TXNRD1: variants seen among roughly 807,000 people sequenced by gnomAD.
TXNRD1 encodes the protein thioredoxin reductase 1, cytoplasmic.
In TXNRD1, 57 loss-of-function variants were observed where a neutral mutation model predicts 80.3. The observed-to-expected ratio is 0.71, with a 90% CI of 0.57 to 0.89. The LOEUF (loss-of-function observed/expected upper bound fraction) is 0.89. TXNRD1 is among the 40% of genes least tolerant of loss of function. TXNRD1 has a pLI of 0.00. For synonymous variants in TXNRD1, 291 were observed against 285.2 expected (o/e 1.02, Z -0.20); for missense variants, 730 against 803.0 (o/e 0.91, Z 1.10).
intron 6 of TXNRD1, among the ~76,000 whole-genome samples, chr12:104,314,339 A>G (rs929511349): frequency 6.6e-6 from 1 of 152,222 alleles, no homozygotes; most frequent in Non-Finnish European, 1.5e-5. Flanking sequence ...CATTAGAAGG[A>G]ACCAAGAAGC....
chr12:104,235,895 G>T (rs1339808397), intron 1 of TXNRD1, among the ~76,000 whole-genome samples: 1 of 152,148 alleles, frequency 6.6e-6, no homozygotes, highest in Non-Finnish European at 1.5e-5. Flanking sequence ...CTGTCTTCTT[G>T]TGCTAAGTCA....
chr12:104,216,108 T>G (rs971715497), intron 1 of TXNRD1, among the ~76,000 whole-genome samples: 1 of 152,180 alleles, frequency 6.6e-6, no homozygotes, highest in African/African-American at 2.4e-5. Context: ...CCCCGCCCGC[T>G]GGCTGTGAGA....
At chr12:104,326,130 A>G (rs1304457973) in intron 11 of TXNRD1, among the ~76,000 whole-genome samples, 1 of 152,202 alleles carries the variant, frequency 6.6e-6, no homozygotes, top group Admixed American at 6.5e-5. Flanking sequence ...CCTAATCAGA[A>G]GTGGAAAATA....
intron 3 of TXNRD1, among the ~76,000 whole-genome samples, chr12:104,264,382 G>A (rs1192961279): frequency 2.7e-5 from 4 of 149,702 alleles, no homozygotes; most frequent in East Asian, 3.8e-4. Flanking sequence ...GGCAGAGAAC[G>A]ATGAGAGGTT....
intron 2 of TXNRD1, among the ~76,000 whole-genome samples, chr12:104,251,988 C>T (rs374794920): frequency 4.7e-5 from 7 of 147,768 alleles, no homozygotes; most frequent in African/African-American, 1.0e-4. Flanking sequence ...CACTTGAACC[C>T]AGGAGGCAGA....
At chr12:104,253,415 G>A (rs2033173833) in intron 2 of TXNRD1, among the ~76,000 whole-genome samples, 1 of 151,728 alleles carries the variant, frequency 6.6e-6, no homozygotes, top group Non-Finnish European at 1.5e-5. Context: ...TGGGGGTTTA[G>A]CTCAACTGAG....
intron 3 of TXNRD1, among the ~76,000 whole-genome samples, chr12:104,264,108 A>C (rs2135715661): frequency 6.6e-6 from 1 of 152,316 alleles, no homozygotes; most frequent in Non-Finnish European, 1.5e-5. Context: ...ATACTTACTC[A>C]TTCAACAGAT....
chr12:104,220,776 G>A (rs2032335290), intron 1 of TXNRD1, among the ~76,000 whole-genome samples: 1 of 150,394 alleles, frequency 6.6e-6, no homozygotes, highest in Admixed American at 6.6e-5. Flanking sequence ...TTTACAGTTG[G>A]ATTAAATCCT....
At chr12:104,257,885 A>G in intron 2 of TXNRD1, 134 bp from the exon 3 acceptor site, 1 of 660,224 alleles carries the variant, frequency 1.5e-6, no homozygotes, top group South Asian at 1.8e-5. Context: ...CTTATGGGTT[A>G]CATAAAAGTG....
intron 1 of TXNRD1, among the ~76,000 whole-genome samples, chr12:104,249,200 C>T (rs538494068): frequency 7.2e-5 from 11 of 152,326 alleles, no homozygotes; most frequent in Non-Finnish European, 1.3e-4. Flanking sequence ...TCCTGATTCT[C>T]AGTAGGTACC....
Position 104,327,514 on chromosome 12 carries a change from G to A in TXNRD1, c.1386-1G>A, listed in dbSNP as rs113219892. The A allele has an allele frequency of 1.2e-6, 2 of 1,608,592 alleles. No homozygotes were observed. Among genetic ancestry groups the A allele is most frequent in the Non-Finnish European group, 8.5e-7 (1 of 1,176,200 alleles). ...TGATTTTTAACTGAATAAAATTGCA[G>A]GACTGGAAAAATACCTGTCACAGAT... On this transcript the variant is annotated splice_acceptor_variant, in intron 12 of 16. Transcript: ENST00000525566. LOFTEE classifies it high-confidence loss of function.
chr12:104,327,597 G>T lies in TXNRD1; in HGVS notation c.1468G>T (p.Val490Leu), dbSNP rs756956430. The T allele has an allele frequency of 2.5e-6, 4 of 1,613,636 alleles. No homozygotes were observed. Among genetic ancestry groups the T allele is most frequent in the Non-Finnish European group, 3.4e-6 (4 of 1,179,836 alleles). ...CATTGGCGATATATTGGAGGATAAG[G>T]TGGAGCTCACCCCAGTTGCAATCCA... Reference protein sequence around the residue: ...YAIGDILEDKVELTPVAIQAG... With the variant: ...YAIGDILEDKLELTPVAIQAG... Residue 490 changes from valine to leucine, a missense_variant, in exon 13 of 17, where the codon GTG (valine) becomes TTG (leucine). Transcript: ENST00000525566.
intron 1 of TXNRD1, among the ~76,000 whole-genome samples, chr12:104,238,256 C>T (rs114097914): frequency 0.019 from 2,936 of 152,188 alleles, 78 homozygotes; most frequent in South Asian, 0.074. Flanking sequence ...ATATTAAGGA[C>T]GTTAACAGGT....
At chr12:104,254,644 A>AAAAAAAATAT in intron 2 of TXNRD1, among the ~76,000 whole-genome samples, 3 of 93,634 alleles carry the variant, frequency 3.2e-5, no homozygotes, top group Non-Finnish European at 3.8e-5. Context: ...AAAAAAAAAA[A>AAAAAAAATAT]ATATATATAT....
chr12:104,320,438 C>G (rs2035488370), intron 9 of TXNRD1, among the ~76,000 whole-genome samples: 1 of 152,152 alleles, frequency 6.6e-6, no homozygotes, highest in South Asian at 2.1e-4. Flanking sequence ...AAGCCCAACC[C>G]CTAATATCAT....
At chr12:104,295,868 T>TTAGA (rs532999706) in intron 4 of TXNRD1, among the ~76,000 whole-genome samples, 112 of 152,330 alleles carry the variant, frequency 7.4e-4, no homozygotes, top group African/African-American at 2.7e-3. Flanking sequence ...CAGGCATATG[T>TTAGA]TAGAGCCCAG....
At chr12:104,302,689 C>T (rs1392166768) in intron 4 of TXNRD1, among the ~76,000 whole-genome samples, 1 of 151,844 alleles carries the variant, frequency 6.6e-6, no homozygotes, top group African/African-American at 2.4e-5. Context: ...CGGGGTTTCA[C>T]CGGGTTAGCC....
chr12:104,344,554 T>G (rs185946379), intron 16 of TXNRD1, among the ~76,000 whole-genome samples: 1 of 152,332 alleles, frequency 6.6e-6, no homozygotes, highest in Admixed American at 6.5e-5. Context: ...GTAATTAGCC[T>G]ATCAATCATC....
intron 4 of TXNRD1, among the ~76,000 whole-genome samples, chr12:104,296,418 A>C (rs2034436583): frequency 6.6e-6 from 1 of 152,142 alleles, no homozygotes; most frequent in Non-Finnish European, 1.5e-5. Context: ...TATTGAAAAA[A>C]ATTTCTTTAG....
Sources: gnomAD v4.1 joint callset for allele counts (sites outside exome capture counted in the v4.1 genomes callset) on GRCh38, gnomAD v4.1.1 for gene constraint, MANE v1.5 for transcripts, NCBI Gene and HGNC (gene_info 2026-07-23, HGNC 2026-07-21) for gene names.